UNC5D: variants seen among roughly 807,000 people sequenced by gnomAD.
The protein encoded by UNC5D is unc-5 netrin receptor D.
Under a neutral mutation model 105.4 loss-of-function variants are expected in UNC5D, and 39 were observed. That is an observed-to-expected ratio of 0.37 (90% CI 0.29 to 0.48). The LOEUF is 0.48. Ranked by LOEUF, UNC5D falls within the 20% of genes least tolerant of loss-of-function variation. UNC5D has a pLI of 0.98. For synonymous variants in UNC5D, 452 were observed against 450.4 expected (o/e 1.00, Z -0.04); for missense variants, 991 against 1,202.4 (o/e 0.82, Z 2.60).
intron 1 of UNC5D, among the ~76,000 whole-genome samples, chr8:35,517,941 A>G (rs1482810401): frequency 6.6e-6 from 1 of 152,156 alleles, no homozygotes; most frequent in East Asian, 1.9e-4. Flanking sequence ...TGCCCCTTTC[A>G]TAAGGGCACT....
At chr8:35,491,455 A>G (rs1811210973) in intron 1 of UNC5D, among the ~76,000 whole-genome samples, 1 of 152,224 alleles carries the variant, frequency 6.6e-6, no homozygotes, top group African/African-American at 2.4e-5. Context: ...AGAAATTCCA[A>G]TGCTAGATTA....
intron 1 of UNC5D, among the ~76,000 whole-genome samples, chr8:35,489,998 G>C (rs550937416): frequency 6.6e-6 from 1 of 152,280 alleles, no homozygotes; most frequent in South Asian, 2.1e-4. Flanking sequence ...AAAAGAGAGA[G>C]ATCACTATTC....
At chr8:35,538,181 C>A (rs910940169) in intron 1 of UNC5D, among the ~76,000 whole-genome samples, 1 of 151,478 alleles carries the variant, frequency 6.6e-6, no homozygotes, top group African/African-American at 2.4e-5. Flanking sequence ...GGAGGAGAAT[C>A]GGCTATAAGC....
At chr8:35,692,406 A>T (rs1331617887) in intron 7 of UNC5D, among the ~76,000 whole-genome samples, 1 of 152,316 alleles carries the variant, frequency 6.6e-6, no homozygotes, top group Admixed American at 6.5e-5. Flanking sequence ...TAATTACCTG[A>T]GTTCCTTCCC....
chr8:35,641,366 C>CAAAAAAAAAAAAAAAAAAATAAAA (rs377021599), intron 4 of UNC5D, among the ~76,000 whole-genome samples: 1 of 44,290 alleles, frequency 2.3e-5, no homozygotes, highest in Non-Finnish European at 4.2e-5. Flanking sequence ...AAAAATAAAG[C>CAAAAAAAAAAAAAAAAAAATAAAA]AAAAAAAAAA....
At chr8:35,433,652 T>C (rs112911561) in intron 1 of UNC5D, among the ~76,000 whole-genome samples, 3,683 of 151,788 alleles carry the variant, frequency 0.024, 153 homozygotes, top group African/African-American at 0.085. Flanking sequence ...TTTTAATTGG[T>C]TTATAAACCA....
rs538688365 is a variant in UNC5D, at chr8:35,257,427, G to A, written c.103+21540G>A. On this transcript the variant is annotated intron_variant, in intron 1 of 16. Transcript: ENST00000404895. ...TGGTCTGCCAGCAGGCACCCTACTA[G>A]TGTTATGCTGGCTGATGACTGGACT... Among the ~76,000 whole-genome samples the A allele has an allele frequency of 2.4e-3, 372 of 152,122 alleles. 3 individuals carry two copies. Among genetic ancestry groups the A allele is most frequent in the Non-Finnish European group, 2.7e-3 (181 of 68,022 alleles).
chr8:35,688,170 AC>A lies in UNC5D; in HGVS notation c.1084+1462del, dbSNP rs111739555. On this transcript the variant is annotated intron_variant, in intron 7 of 16. Transcript: ENST00000404895. ...AACAAAACAACAACAACAAAAAAAA[AC>A]ACACACAAGACTGAGCACTTACTTC... Among the ~76,000 whole-genome samples the A allele has an allele frequency of 7.1e-3, 1,066 of 150,746 alleles. 16 individuals are homozygous for A. The highest frequency in any genetic ancestry group is 0.026 in the African/African-American group (1,037 of 40,606).
chr8:35,728,095 A>AAAAT (rs34672872), intron 10 of UNC5D, among the ~76,000 whole-genome samples: 18 of 110,336 alleles, frequency 1.6e-4, no homozygotes, highest in African/African-American at 7.7e-4. Context: ...AAAAAAAAAA[A>AAAAT]ATATATATAT....
chr8:35,539,729 GC>G (rs1246835878), intron 1 of UNC5D, among the ~76,000 whole-genome samples: 3 of 152,130 alleles, frequency 2.0e-5, no homozygotes, highest in Non-Finnish European at 4.4e-5. Flanking sequence ...AGTCAAATCA[GC>G]CTATATTTAC....
At chr8:35,525,577 C>T in intron 1 of UNC5D, 2 of 1,613,088 alleles carry the variant, frequency 1.2e-6, no homozygotes, top group African/African-American at 1.3e-5. Context: ...ACTTCTGAAA[C>T]ATACTGTAAG....
chr8:35,262,048 G>T (rs201082986), intron 1 of UNC5D, among the ~76,000 whole-genome samples: 1 of 152,168 alleles, frequency 6.6e-6, no homozygotes, highest in Non-Finnish European at 1.5e-5. Flanking sequence ...AAATTCTCCA[G>T]ATTAAGAGGA....
chr8:35,419,218 A>T (rs372860820), intron 1 of UNC5D, among the ~76,000 whole-genome samples: 4 of 152,296 alleles, frequency 2.6e-5, no homozygotes, highest in East Asian at 3.9e-4. Context: ...AATCTTTGTG[A>T]CCAGCTAATT....
intron 3 of UNC5D, among the ~76,000 whole-genome samples, chr8:35,588,598 C>A (rs1408949010): frequency 6.6e-6 from 1 of 152,154 alleles, no homozygotes; most frequent in Non-Finnish European, 1.5e-5. Context: ...AGTCACCCTG[C>A]TAGAGCATAT....
rs546631387 is a variant in UNC5D, at chr8:35,480,012, T to C, written c.104-69280T>C. ...GCACCACTAATGGACTTACTTCTAT[T>C]GTGTGTTTCCAATGGCAGTCCCTAA... On this transcript the variant is annotated intron_variant, in intron 1 of 16. Transcript: ENST00000404895. 2.6e-5 allele frequency among the ~76,000 whole-genome samples: 4 copies of C among 152,324 alleles called. No homozygotes were observed. The East Asian group carries it at 7.7e-4, about 29-fold the overall frequency.
At chr8:35,449,698 C>A (rs991167470) in intron 1 of UNC5D, among the ~76,000 whole-genome samples, 1 of 152,114 alleles carries the variant, frequency 6.6e-6, no homozygotes, top group African/African-American at 2.4e-5. Flanking sequence ...TCCACCATAT[C>A]AAAAGCTCCA....
At chr8:35,242,385 T>C (rs1802856691) in intron 1 of UNC5D, among the ~76,000 whole-genome samples, 1 of 152,214 alleles carries the variant, frequency 6.6e-6, no homozygotes, top group Admixed American at 6.5e-5. Context: ...GAAGAAACTG[T>C]CTGAACTACT....
intron 4 of UNC5D, among the ~76,000 whole-genome samples, chr8:35,657,078 G>GTATATATATA (rs1823800749): frequency 8.7e-5 from 7 of 80,572 alleles, no homozygotes; most frequent in Non-Finnish European, 1.4e-4. Flanking sequence ...GTGTGTGTGT[G>GTATATATATA]TGTATATATA....
At chr8:35,255,499 A>G (rs1489649635) in intron 1 of UNC5D, 9 of 152,252 alleles carry the variant, frequency 5.9e-5, no homozygotes, top group African/African-American at 2.2e-4. Flanking sequence ...GATATTTAGA[A>G]CAGAGGTTTG....
Sources: gnomAD v4.1 joint callset for allele counts (sites outside exome capture counted in the v4.1 genomes callset) on GRCh38, gnomAD v4.1.1 for gene constraint, MANE v1.5 for transcripts, NCBI Gene and HGNC (gene_info 2026-07-23, HGNC 2026-07-21) for gene names.